The following EIF2B3 variants were observed in gnomAD, a reference collection of about 807,000 sequenced individuals.
EIF2B3 encodes the protein eukaryotic translation initiation factor 2B subunit gamma, also known as translation initiation factor eIF2B subunit gamma.
In EIF2B3, 20 loss-of-function variants were observed where a neutral mutation model predicts 54.1. The observed-to-expected ratio is 0.37, with a 90% confidence interval of 0.26 to 0.54. The LOEUF (loss-of-function observed/expected upper bound fraction) is 0.54. Ranked by LOEUF, EIF2B3 falls within the 20% of genes least tolerant of loss-of-function variation. The probability of loss-of-function intolerance (pLI) is 0.86; values close to 1 mark genes in which losing one functional copy is unlikely to be tolerated. For synonymous variants in EIF2B3, 153 were observed against 188.1 expected (o/e 0.81, Z 1.52); for missense variants, 448 against 547.8 (o/e 0.82, Z 1.82).
chr1:44,983,394 A>C (rs1474557348), intron 1 of EIF2B3, among the ~76,000 whole-genome samples: 1 of 152,260 alleles, frequency 6.6e-6, no homozygotes, highest in East Asian at 1.9e-4. Context: ...TCTAAAGTGC[A>C]GCACTTAACA....
At chr1:44,886,405 A>T (rs1005425237) in intron 6 of EIF2B3, among the ~76,000 whole-genome samples, 3 of 152,222 alleles carry the variant, frequency 2.0e-5, no homozygotes, top group African/African-American at 7.2e-5. Flanking sequence ...GTGTGATTTC[A>T]AGCATGTATT....
At chr1:44,929,337 C>T (rs1322787257) in intron 4 of EIF2B3, among the ~76,000 whole-genome samples, 1 of 152,108 alleles carries the variant, frequency 6.6e-6, no homozygotes. Context: ...TACCTATAAC[C>T]AAATATATGA....
chr1:44,880,201 C>T (rs1307650161), intron 7 of EIF2B3, among the ~76,000 whole-genome samples, 193 bp from the exon 8 acceptor site: 3 of 152,152 alleles, frequency 2.0e-5, no homozygotes, highest in Admixed American at 2.0e-4. Flanking sequence ...CAGGTGTGCA[C>T]CACCATGCTT....
intron 5 of EIF2B3, among the ~76,000 whole-genome samples, chr1:44,898,490 T>G (rs1210698039): frequency 6.6e-6 from 1 of 151,998 alleles, no homozygotes; most frequent in East Asian, 1.9e-4. Context: ...AATGAATAAA[T>G]GAGGTCAAAT....
At chr1:44,981,439 G>A (rs1644511782) in intron 1 of EIF2B3, among the ~76,000 whole-genome samples, 1 of 152,082 alleles carries the variant, frequency 6.6e-6, no homozygotes, top group Non-Finnish European at 1.5e-5. Flanking sequence ...ACAATTAAGT[G>A]GAGAAGACAA....
intron 10 of EIF2B3, among the ~76,000 whole-genome samples, chr1:44,872,590 T>C (rs1280571719): frequency 6.6e-6 from 1 of 151,918 alleles, no homozygotes; most frequent in Non-Finnish European, 1.5e-5. Context: ...TTTGAGGTTG[T>C]AGTGAGCTAT....
intron 3 of EIF2B3, among the ~76,000 whole-genome samples, chr1:44,977,326 A>G (rs893373058): frequency 6.6e-6 from 1 of 152,182 alleles, no homozygotes; most frequent in Non-Finnish European, 1.5e-5. Flanking sequence ...TGGGAGGTCT[A>G]TGAATTTTTG....
At chr1:44,955,847 A>G (rs1297487926) in intron 3 of EIF2B3, among the ~76,000 whole-genome samples, 1 of 152,216 alleles carries the variant, frequency 6.6e-6, no homozygotes, top group East Asian at 1.9e-4. Flanking sequence ...CGATCATTAA[A>G]AAGTCAGGAA....
chr1:44,877,213 A>AAAAAC (rs1557666568), intron 8 of EIF2B3, among the ~76,000 whole-genome samples: 3 of 148,480 alleles, frequency 2.0e-5, no homozygotes, highest in Middle Eastern at 3.4e-3. Flanking sequence ...AAAAAAAAAA[A>AAAAAC]AAAAAAAAAC....
At chr1:44,923,145 A>G (rs1454587553) in intron 5 of EIF2B3, among the ~76,000 whole-genome samples, 1 of 152,134 alleles carries the variant, frequency 6.6e-6, no homozygotes, top group Non-Finnish European at 1.5e-5. Flanking sequence ...TTTTCCAAAT[A>G]CAAGATTATT....
intron 3 of EIF2B3, among the ~76,000 whole-genome samples, chr1:44,950,949 G>A (rs60082006): frequency 0.12 from 18,953 of 152,064 alleles, 1,460 homozygotes; most frequent in Non-Finnish European, 0.17. Flanking sequence ...TTGGCCTCCC[G>A]AAGTGTTGGG....
intron 7 of EIF2B3, among the ~76,000 whole-genome samples, chr1:44,880,295 C>T (rs995920599): frequency 5.3e-5 from 8 of 152,140 alleles, no homozygotes; most frequent in Admixed American, 3.9e-4. Flanking sequence ...GGAAATCCCA[C>T]TAAAATCTGT....
intron 3 of EIF2B3, among the ~76,000 whole-genome samples, chr1:44,970,543 C>A (rs1427754749): frequency 6.6e-6 from 1 of 152,226 alleles, no homozygotes; most frequent in South Asian, 2.1e-4. Context: ...TGTGGGCACA[C>A]GGGAAGAAAA....
intron 3 of EIF2B3, among the ~76,000 whole-genome samples, chr1:44,957,630 A>G (rs981273863): frequency 1.3e-5 from 2 of 151,852 alleles, no homozygotes; most frequent in Admixed American, 1.3e-4. Context: ...GCGTGGTGGC[A>G]TGTGCCTGTA....
At chr1:44,880,687 G>A (rs996878737) in intron 7 of EIF2B3, among the ~76,000 whole-genome samples, 1 of 152,192 alleles carries the variant, frequency 6.6e-6, no homozygotes, top group Admixed American at 6.5e-5. Flanking sequence ...TGCTGGCCGG[G>A]CACGGTGGCT....
chr1:44,875,357 C>T (rs1655087603), intron 9 of EIF2B3, among the ~76,000 whole-genome samples: 1 of 152,208 alleles, frequency 6.6e-6, no homozygotes, highest in South Asian at 2.1e-4. Flanking sequence ...GGTAGTCCCA[C>T]ATTTACCCAT....
intron 4 of EIF2B3, among the ~76,000 whole-genome samples, chr1:44,940,322 T>C (rs1021214337): frequency 2.0e-5 from 3 of 151,772 alleles, no homozygotes; most frequent in African/African-American, 7.3e-5. Context: ...AAAGAATACA[T>C]CATTCCAGAG....
chr1:44,895,928 T>C lies in EIF2B3; in HGVS notation c.656+1427A>G, dbSNP rs78316157. On this transcript the variant is annotated intron_variant, in intron 6 of 11. Transcript: ENST00000360403. ...CTCATTTCATATGGCTTCATTTTTATTTGGGAGTGAAAAATAAACCCTTCA... is the reference window on the plus strand; with the variant it reads ...CTCATTTCATATGGCTTCATTTTTACTTGGGAGTGAAAAATAAACCCTTCA... Among the ~76,000 whole-genome samples the C allele has an allele frequency of 4.7e-3, 715 of 152,344 alleles. 2 individuals carry two copies. The highest frequency in any genetic ancestry group is 7.3e-3 in the East Asian group (38 of 5,186).
chr1:44,884,545 C>T (rs1446415399), intron 6 of EIF2B3, among the ~76,000 whole-genome samples: 3 of 152,210 alleles, frequency 2.0e-5, no homozygotes, highest in Non-Finnish European at 4.4e-5. Context: ...AAGCTGTGAG[C>T]TCTTGTATTG....
Sources: allele counts gnomAD v4.1 joint callset (sites outside exome capture counted in the v4.1 genomes callset), GRCh38; gene constraint gnomAD v4.1.1; transcripts MANE v1.5; gene names NCBI Gene and HGNC (gene_info 2026-07-23, HGNC 2026-07-21).